The following RIT2 variants were observed in gnomAD, a reference collection of about 807,000 sequenced individuals.
The protein encoded by RIT2 is GTP-binding protein Rit2.
RIT2 carries 24 observed loss-of-function variants against 23.7 expected under a neutral mutation model. The observed-to-expected ratio is 1.01, with a 90% confidence interval of 0.73 to 1.43. The LOEUF (loss-of-function observed/expected upper bound fraction) is 1.43. Ranked by LOEUF, RIT2 falls within the 40% of genes most tolerant of loss-of-function variation. The pLI, the probability that RIT2 is intolerant of heterozygous loss-of-function variation, is 0.00. For synonymous variants in RIT2, 107 were observed against 91.1 expected, an observed-to-expected ratio of 1.17 and a Z score of -0.99; for missense variants, 236 against 266.9, an observed-to-expected ratio of 0.88 and a Z score of 0.81.
intron 3 of RIT2, among the ~76,000 whole-genome samples, chr18:42,973,367 T>A (rs1481365054): frequency 6.6e-6 from 1 of 151,830 alleles, no homozygotes; most frequent in Non-Finnish European, 1.5e-5. Flanking sequence ...CATGCTTGTA[T>A]CAAATTATAT....
At chr18:42,754,110 C>A (rs1913107909) in intron 4 of RIT2, among the ~76,000 whole-genome samples, 1 of 152,132 alleles carries the variant, frequency 6.6e-6, no homozygotes, top group South Asian at 2.1e-4. Flanking sequence ...AACAAGTCTG[C>A]AAACTAAGCA....
In RIT2 at chr18:42,871,162, A is replaced by T. The variant is rs188608779; in HGVS notation, c.426+52410T>A. Among the ~76,000 whole-genome samples, 5 of 152,326 alleles carry T rather than the reference A, an allele frequency of 3.3e-5. No homozygotes were observed. The East Asian group carries it at 9.6e-4, about 29-fold the overall frequency. On this transcript the variant is annotated intron_variant, in intron 4 of 4. Coordinates refer to ENST00000326695, the MANE Select transcript of RIT2 (RefSeq NM_002930.4). ...AGATTAAGTCTTCTATAACTGCCAC[A>T]GCTCCTATTCATCACCTAAACTCTC...
intron 4 of RIT2, among the ~76,000 whole-genome samples, chr18:42,864,005 C>T (rs562491066): frequency 3.6e-4 from 55 of 151,370 alleles, no homozygotes; most frequent in African/African-American, 1.3e-3. Flanking sequence ...ACTAGCAACT[C>T]TATTCACAAA....
At chr18:43,072,249 G>T (rs1348017575) in intron 1 of RIT2, among the ~76,000 whole-genome samples, 1 of 151,986 alleles carries the variant, frequency 6.6e-6, no homozygotes, top group Non-Finnish European at 1.5e-5. Flanking sequence ...GCCTCCCAAG[G>T]TTCTGGGATT....
chr18:42,811,756 G>T (rs1317154854), intron 4 of RIT2, among the ~76,000 whole-genome samples: 2 of 151,986 alleles, frequency 1.3e-5, no homozygotes, highest in Non-Finnish European at 2.9e-5. Context: ...GCATGACAAG[G>T]TGCTAGAATG....
At chr18:42,854,346 A>T (rs754248691) in intron 4 of RIT2, among the ~76,000 whole-genome samples, 65 of 152,156 alleles carry the variant, frequency 4.3e-4, no homozygotes, top group Admixed American at 2.6e-4. Context: ...TTTGCCTAGG[A>T]TCTTTAAGAT....
chr18:42,873,164 A>C (rs1185808327), intron 4 of RIT2, among the ~76,000 whole-genome samples: 1 of 152,124 alleles, frequency 6.6e-6, no homozygotes, highest in Non-Finnish European at 1.5e-5. Context: ...TGTTTAATAA[A>C]ATAAATTGAG....
At chr18:42,840,519 A>G (rs892102679) in intron 4 of RIT2, among the ~76,000 whole-genome samples, 8 of 151,830 alleles carry the variant, frequency 5.3e-5, no homozygotes, top group African/African-American at 1.9e-4. Context: ...TTATTTTTTC[A>G]AAGACGGAGT....
intron 3 of RIT2, among the ~76,000 whole-genome samples, chr18:42,964,600 T>C (rs1032552791): frequency 2.0e-5 from 3 of 152,200 alleles, no homozygotes; most frequent in African/African-American, 7.2e-5. Context: ...GACGAAGGCA[T>C]GAACGACTAT....
At chr18:42,842,567 T>C (rs1431109083) in intron 4 of RIT2, among the ~76,000 whole-genome samples, 4 of 152,178 alleles carry the variant, frequency 2.6e-5, no homozygotes, top group African/African-American at 9.7e-5. Flanking sequence ...TCAACCACCA[T>C]AAGCAGAGCT....
At chr18:42,819,977 C>T (rs1568004418) in intron 4 of RIT2, among the ~76,000 whole-genome samples, 1 of 152,090 alleles carries the variant, frequency 6.6e-6, no homozygotes, top group African/African-American at 2.4e-5. Flanking sequence ...ATATAATTTG[C>T]ATACTTTAAG....
chr18:42,793,589 A>G (rs1914089963), intron 4 of RIT2, among the ~76,000 whole-genome samples: 1 of 152,230 alleles, frequency 6.6e-6, no homozygotes, highest in Non-Finnish European at 1.5e-5. Context: ...AGATCACCCA[A>G]TAAGTGAGTA....
intron 2 of RIT2, among the ~76,000 whole-genome samples, chr18:43,025,572 T>C (rs1044039333): frequency 1.3e-5 from 2 of 152,022 alleles, no homozygotes; most frequent in African/African-American, 4.8e-5. Context: ...AAATATAACA[T>C]ATATTTGACA....
At chr18:43,093,582 A>G (rs747430464) in intron 1 of RIT2, among the ~76,000 whole-genome samples, 4 of 152,096 alleles carry the variant, frequency 2.6e-5, no homozygotes, top group Admixed American at 6.6e-5. Context: ...TAAGGGAACT[A>G]GAGAATGAAT....
intron 4 of RIT2, among the ~76,000 whole-genome samples, chr18:42,753,112 T>C (rs966570175): frequency 6.6e-6 from 1 of 152,064 alleles, no homozygotes; most frequent in East Asian, 1.9e-4. Context: ...ATGAGACCAC[T>C]GGGGCAAAAA....
intron 2 of RIT2, among the ~76,000 whole-genome samples, chr18:43,020,975 G>A (rs370792106): frequency 8.6e-5 from 13 of 152,008 alleles, no homozygotes; most frequent in East Asian, 3.9e-4. Context: ...GTCAAATACC[G>A]CAAAAGCACA....
intron 1 of RIT2, among the ~76,000 whole-genome samples, chr18:43,077,102 C>CAAAAAAAA (rs34419558): frequency 3.7e-5 from 3 of 80,248 alleles, no homozygotes; most frequent in African/African-American, 1.4e-4. Flanking sequence ...GACTCCGTCT[C>CAAAAAAAA]AAAAAAAAAA....
intron 4 of RIT2, among the ~76,000 whole-genome samples, chr18:42,835,310 ACACACACACACT>A (rs1906565508): frequency 2.0e-5 from 3 of 151,964 alleles, no homozygotes; most frequent in Non-Finnish European, 4.4e-5. Flanking sequence ...GTAATCATTT[ACACACACACACT>A]CACACACACA....
intron 3 of RIT2, among the ~76,000 whole-genome samples, chr18:42,942,103 TA>T (rs530775452): frequency 0.022 from 3,132 of 143,282 alleles, 88 homozygotes; most frequent in African/African-American, 0.064. Flanking sequence ...ATTGTTCAAG[TA>T]AAAAAAAAAA....
Sources: gnomAD v4.1 joint callset for allele counts (sites outside exome capture counted in the v4.1 genomes callset) on GRCh38, gnomAD v4.1.1 for gene constraint, MANE v1.5 for transcripts, NCBI Gene and HGNC (gene_info 2026-07-23, HGNC 2026-07-21) for gene names.